Variants in NLGN1 observed in about 807,000 individuals in gnomAD.
NLGN1 encodes neuroligin-1.
NLGN1 carries 12 observed loss-of-function variants against 65.5 expected under a neutral mutation model. The ratio of observed to expected loss-of-function variants is 0.18; its 90% CI spans 0.12 to 0.30. The LOEUF (loss-of-function observed/expected upper bound fraction) is 0.30, where lower values mean the gene tolerates loss of function less well. Ranked by LOEUF, NLGN1 falls within the 10% of genes least tolerant of loss-of-function variation. The pLI is 1.00. For missense variants in NLGN1, 750 were observed against 1,007.1 expected, an observed-to-expected ratio of 0.74 and a Z score of 3.46; for synonymous variants, 350 against 359.5, an observed-to-expected ratio of 0.97 and a Z score of 0.30.
intron 2 of NLGN1, among the ~76,000 whole-genome samples, chr3:173,591,766 A>T (rs1406656977): frequency 6.6e-6 from 1 of 152,138 alleles, no homozygotes; most frequent in Non-Finnish European, 1.5e-5. Context: ...AACTCACTAC[A>T]CACAAAAATA....
intron 2 of NLGN1, among the ~76,000 whole-genome samples, chr3:173,496,031 A>G (rs761289745): frequency 2.0e-5 from 3 of 151,352 alleles, no homozygotes; most frequent in Non-Finnish European, 1.5e-5. Flanking sequence ...TAATTTCTCT[A>G]TCTATGCTTG....
intron 4 of NLGN1, among the ~76,000 whole-genome samples, chr3:173,984,250 A>C (rs1238131032): frequency 6.6e-6 from 1 of 152,076 alleles, no homozygotes; most frequent in Non-Finnish European, 1.5e-5. Flanking sequence ...CTGGCTTATT[A>C]TGTATTTTCC....
At chr3:173,824,648 T>C (rs1199584778) in intron 4 of NLGN1, among the ~76,000 whole-genome samples, 1 of 152,130 alleles carries the variant, frequency 6.6e-6, no homozygotes, top group East Asian at 1.9e-4. Context: ...ATTTTAAAAG[T>C]TAGATTTCTT....
intron 4 of NLGN1, among the ~76,000 whole-genome samples, chr3:174,085,510 A>G (rs991257725): frequency 6.6e-6 from 1 of 151,956 alleles, no homozygotes; most frequent in African/African-American, 2.4e-5. Context: ...CCTCCTCCCA[A>G]AGAATTTTCA....
downstream of NLGN1, among the ~76,000 whole-genome samples, chr3:174,287,280 A>G (rs1163042660): frequency 1.4e-5 from 2 of 143,318 alleles, no homozygotes; most frequent in Admixed American, 1.4e-4. Context: ...ATAGCCCAAG[A>G]TAAGAATACA....
chr3:174,025,952 CTT>C (rs1374901094), intron 4 of NLGN1, among the ~76,000 whole-genome samples: 8 of 152,006 alleles, frequency 5.3e-5, no homozygotes, highest in Non-Finnish European at 1.2e-4. Flanking sequence ...GTTTCAAACT[CTT>C]AACTAGAAAT....
intron 4 of NLGN1, among the ~76,000 whole-genome samples, chr3:174,047,190 T>C (rs12492638): frequency 0.28 from 43,260 of 151,826 alleles, 7,760 homozygotes; most frequent in African/African-American, 0.52. Context: ...CATGAATTTA[T>C]CATAATTCAC....
At chr3:174,253,036 T>C (rs760721247) in intron 4 of NLGN1, among the ~76,000 whole-genome samples, 2 of 152,232 alleles carry the variant, frequency 1.3e-5, no homozygotes, top group Non-Finnish European at 2.9e-5. Flanking sequence ...TATCTGATTC[T>C]CTAAGAGAAC....
chr3:173,830,677 G>A (rs1212244863), intron 4 of NLGN1, among the ~76,000 whole-genome samples: 2 of 151,746 alleles, frequency 1.3e-5, no homozygotes, highest in Non-Finnish European at 2.9e-5. Context: ...TATAATTCAG[G>A]AAAAAATAAA....
intron 3 of NLGN1, chr3:173,644,224 C>G (rs1191406772): frequency 6.5e-6 from 1 of 152,692 alleles, no homozygotes; most frequent in South Asian, 2.1e-4. Context: ...CAGCCCCAGT[C>G]AGCACCTTGG....
At chr3:173,816,466 A>G (rs139020720) in intron 4 of NLGN1, among the ~76,000 whole-genome samples, 1 of 152,300 alleles carries the variant, frequency 6.6e-6, no homozygotes, top group Admixed American at 6.5e-5. Flanking sequence ...TGCCTTATCC[A>G]TCTGGATGAT....
chr3:174,146,699 C>T (rs1418075909), intron 4 of NLGN1, among the ~76,000 whole-genome samples: 1 of 151,598 alleles, frequency 6.6e-6, no homozygotes, highest in Non-Finnish European at 1.5e-5. Context: ...TCCCGAGTAG[C>T]TGGGATTACA....
At chr3:173,843,899 T>A (rs1214551497) in intron 4 of NLGN1, among the ~76,000 whole-genome samples, 1 of 152,186 alleles carries the variant, frequency 6.6e-6, no homozygotes, top group Non-Finnish European at 1.5e-5. Flanking sequence ...CATTACTGTA[T>A]TAGTCCATTT....
intron 2 of NLGN1, among the ~76,000 whole-genome samples, chr3:173,551,223 T>C (rs1740803049): frequency 6.8e-6 from 1 of 147,500 alleles, no homozygotes; most frequent in Non-Finnish European, 1.5e-5. Context: ...TTCAGGATCT[T>C]GCTAAAAGTT....
chr3:173,831,234 T>G (rs900348781), intron 4 of NLGN1, among the ~76,000 whole-genome samples: 1 of 151,710 alleles, frequency 6.6e-6, no homozygotes. Flanking sequence ...CTCATAGCTA[T>G]CCTGAAAAAA....
intron 4 of NLGN1, among the ~76,000 whole-genome samples, chr3:174,054,824 A>G (rs575013279): frequency 6.6e-6 from 1 of 152,184 alleles, no homozygotes; most frequent in East Asian, 1.9e-4. Flanking sequence ...TTCTGTGCAT[A>G]GTCTGACAGT....
rs1402085421 is a variant in NLGN1, at chr3:173,918,698, GTGTGTATA to G, written c.646+110868_646+110875del. ...TGTGTGTGTGTGTGTGTGTGTGTGTGTGTGTATATATATATATTGCATAGAATGGTAAC... is the reference window on the plus strand; with the variant it reads ...TGTGTGTGTGTGTGTGTGTGTGTGTGTATATATATTGCATAGAATGGTAAC... On this transcript the variant is annotated intron_variant, in intron 4 of 6. Coordinates refer to ENST00000457714, the Ensembl canonical transcript of NLGN1. Among the ~76,000 whole-genome samples, 591 of 102,546 alleles carry G rather than the reference GTGTGTATA, an allele frequency of 5.8e-3. 1 individual carries two copies. The highest frequency in any genetic ancestry group is 0.034 in the East Asian group (80 of 2,334). 67.3% of individuals were successfully genotyped at this position (102,546 alleles called of 152,430 possible).
At chr3:173,467,403 T>C (rs568024493) in intron 2 of NLGN1, among the ~76,000 whole-genome samples, 7 of 152,302 alleles carry the variant, frequency 4.6e-5, no homozygotes, top group Admixed American at 2.6e-4. Context: ...TATAAATTCC[T>C]AAAAATGGAA....
chr3:173,453,681 G>A (rs927558704), intron 2 of NLGN1, among the ~76,000 whole-genome samples: 7 of 152,108 alleles, frequency 4.6e-5, no homozygotes, highest in Admixed American at 1.3e-4. Flanking sequence ...GTTTGTTCAC[G>A]AGATTGCAGC....
Sources: gnomAD v4.1 joint callset for allele counts (sites outside exome capture counted in the v4.1 genomes callset) on GRCh38, gnomAD v4.1.1 for gene constraint, MANE v1.5 for transcripts, NCBI Gene and HGNC (gene_info 2026-07-23, HGNC 2026-07-21) for gene names.